Variants in GRIN2A observed in about 807,000 individuals in gnomAD.
The protein encoded by GRIN2A is glutamate ionotropic receptor NMDA type subunit 2A.
A neutral mutation model predicts 113.4 loss-of-function variants in GRIN2A; 22 were observed. That is an observed-to-expected ratio of 0.19 (90% CI 0.14 to 0.28). The LOEUF (loss-of-function observed/expected upper bound fraction) is 0.28. GRIN2A is among the 10% of genes least tolerant of loss of function. GRIN2A has a pLI of 1.00. For synonymous variants in GRIN2A, 827 were observed against 738.4 expected, an observed-to-expected ratio of 1.12 and a Z score of -1.94; for missense variants, 1,502 against 1,887.0, an observed-to-expected ratio of 0.80 and a Z score of 3.78.
rs200124835 is a variant in GRIN2A at position 10,015,252 on chromosome 16, C to CAAAAAAAAA, written c.415-76710_415-76702dup. ...TGGGCAACAGAGCAAGACTTCATCT[C>CAAAAAAAAA]AAAAAAAAAAAAAAAAAAAGAAAAA... is the stretch of plus-strand genomic sequence containing the variant. On this transcript the variant is annotated intron_variant, in intron 2 of 12. Transcript: ENST00000330684. 2.2e-3 allele frequency among the ~76,000 whole-genome samples: 42 copies of CAAAAAAAAA among 19,298 alleles called. 1 individual carries two copies. Among genetic ancestry groups the CAAAAAAAAA allele is most frequent in the African/African-American group, 2.9e-3 (19 of 6,500 alleles). The allele number at this position is 19,298 out of a possible 152,430, so 12.7% of individuals were successfully genotyped here. A position where few individuals can be genotyped will look rare whatever the true frequency, so the allele number is the denominator to read the frequency against.
chr16:9,843,360 T>A (rs1015577082), intron 5 of GRIN2A, among the ~76,000 whole-genome samples: 5 of 152,124 alleles, frequency 3.3e-5, no homozygotes, highest in Non-Finnish European at 5.9e-5. Flanking sequence ...GACACGCTCT[T>A]GCTCTGTTGC....
At chr16:9,892,022 A>G (rs1311129182) in intron 3 of GRIN2A, among the ~76,000 whole-genome samples, 1 of 152,182 alleles carries the variant, frequency 6.6e-6, no homozygotes, top group African/African-American at 2.4e-5. Flanking sequence ...TGAAGTCAGG[A>G]GTTCGAGACC....
chr16:10,111,763 G>A (rs1381754945), intron 2 of GRIN2A: 12 of 1,503,014 alleles, frequency 8.0e-6, no homozygotes, highest in Non-Finnish European at 1.1e-5. Flanking sequence ...ACACACTGTG[G>A]GTGATGTGCT....
At chr16:10,136,243 T>G (rs117163573) in intron 2 of GRIN2A, among the ~76,000 whole-genome samples, 100 of 152,076 alleles carry the variant, frequency 6.6e-4, no homozygotes, top group Admixed American at 1.5e-3. Flanking sequence ...AAGCATAACT[T>G]CCAGCACACA....
In GRIN2A at chr16:9,891,095, A is replaced by G; in HGVS notation, c.1013T>C (p.Met338Thr). The change falls in exon 4 of 13, where the codon ATG becomes ACG. Residue 338 changes from methionine (M) to threonine (T), a missense_variant. By Grantham distance (81) the Met-to-Thr change is moderately conservative. Around this residue, in one of 7 missense-constraint regions of GRIN2A, gnomAD observed 334 missense variants for 403.0 expected, o/e 0.83. Transcript: ENST00000330684. ...EVPMHTLHPF[M>T]VNVTWDGKDL... ...TTTGCCATCCCATGTAACATTGACC[A>G]TAAATCTAGAAAGGGGAAGAGAGAA... 6.3e-7 allele frequency: 1 copy of G among 1,599,380 alleles called. No individual in the cohort carries two copies. Among genetic ancestry groups the G allele is most frequent in the Non-Finnish European group, 8.6e-7 (1 of 1,166,466 alleles).
intron 4 of GRIN2A, among the ~76,000 whole-genome samples, chr16:9,852,096 T>A (rs1596497773): frequency 6.6e-6 from 1 of 152,212 alleles, no homozygotes; most frequent in East Asian, 1.9e-4. Flanking sequence ...TATCACCACT[T>A]AGTTTAATTC....
intron 2 of GRIN2A, among the ~76,000 whole-genome samples, chr16:10,103,492 C>G (rs8063758): frequency 1.3e-5 from 2 of 151,932 alleles, no homozygotes; most frequent in African/African-American, 2.4e-5. Flanking sequence ...TATTACTAAC[C>G]CCCAAAATAT....
intron 3 of GRIN2A, among the ~76,000 whole-genome samples, chr16:9,905,745 T>G (rs1394262333): frequency 6.6e-6 from 1 of 152,064 alleles, no homozygotes; most frequent in Admixed American, 6.5e-5. Context: ...GCCATAAAAA[T>G]ATATACAAGG....
chr16:10,132,972 A>T (rs1190572908), intron 2 of GRIN2A, among the ~76,000 whole-genome samples: 1 of 152,130 alleles, frequency 6.6e-6, no homozygotes, highest in East Asian at 1.9e-4. Context: ...GTCTGCCCAC[A>T]TTCCTTAGCT....
At chr16:9,906,503 G>A (rs2044030928) in intron 3 of GRIN2A, among the ~76,000 whole-genome samples, 1 of 152,144 alleles carries the variant, frequency 6.6e-6, no homozygotes, top group African/African-American at 2.4e-5. Flanking sequence ...TTCAGGGATC[G>A]GTACGTGACT....
rs1186022385 is a variant in GRIN2A, at chr16:9,849,737, C to T, written c.1328+19G>A. Reference sequence around the variant, plus strand: ...CAAAGGGTTGGGCACGTTCAGGTGACAGCATTCCTGCCACTCACTTGATTT... The same window carrying T: ...CAAAGGGTTGGGCACGTTCAGGTGATAGCATTCCTGCCACTCACTTGATTT... On this transcript the variant is annotated intron_variant, in intron 5 of 12. Transcript: ENST00000330684. The T allele has an allele frequency of 6.3e-7, 1 of 1,597,156 alleles. No homozygotes were observed. Among genetic ancestry groups the T allele is most frequent in the Non-Finnish European group, 8.6e-7 (1 of 1,164,552 alleles).
chr16:9,960,548 A>T (rs1321264185), intron 2 of GRIN2A, among the ~76,000 whole-genome samples: 4 of 152,214 alleles, frequency 2.6e-5, no homozygotes. Context: ...ATATGCTGTG[A>T]AGTCAACCAG....
chr16:10,117,780 G>C (rs950028914), intron 2 of GRIN2A, among the ~76,000 whole-genome samples: 1 of 152,230 alleles, frequency 6.6e-6, no homozygotes, highest in Non-Finnish European at 1.5e-5. Flanking sequence ...ATGGAAATGA[G>C]TGTTAAGATA....
At chr16:10,069,995 AC>A (rs1423730295) in intron 2 of GRIN2A, among the ~76,000 whole-genome samples, 2 of 151,616 alleles carry the variant, frequency 1.3e-5, no homozygotes, top group African/African-American at 4.9e-5. Flanking sequence ...TTGCCTATCC[AC>A]CCCTCCCTCC....
At chr16:10,149,331 T>C (rs1041109567) in intron 2 of GRIN2A, among the ~76,000 whole-genome samples, 1 of 152,220 alleles carries the variant, frequency 6.6e-6, no homozygotes, top group Non-Finnish European at 1.5e-5. Context: ...ATATCCCATA[T>C]ACCTAACAAA....
At chr16:10,147,092 T>A (rs1070476) in intron 2 of GRIN2A, among the ~76,000 whole-genome samples, 92,517 of 151,820 alleles carry the variant, frequency 0.61, 28,617 homozygotes, top group East Asian at 0.92. Flanking sequence ...AAAGGAACAC[T>A]TCTATTCACC....
rs75685885 is a variant in GRIN2A at position 10,042,709 on chromosome 16, G to T, written c.415-104158C>A. Among the ~76,000 whole-genome samples the T allele has an allele frequency of 9.8e-3, 1,488 of 152,292 alleles. 20 individuals are homozygous for T. The highest frequency in any genetic ancestry group is 0.034 in the African/African-American group (1,410 of 41,558). ...TAGTTCTGATGCTGACCCAATCCCG[G>T]ACAATGATATATTAAGAGGAATCTG... On this transcript the variant is annotated intron_variant, in intron 2 of 12. Coordinates refer to ENST00000330684, the MANE Select transcript of GRIN2A (RefSeq NM_001134407.3).
intron 3 of GRIN2A, among the ~76,000 whole-genome samples, chr16:9,930,768 A>C (rs957985292): frequency 1.3e-5 from 2 of 152,208 alleles, no homozygotes; most frequent in African/African-American, 4.8e-5. Flanking sequence ...ACTAAATAAA[A>C]ATATGTCAAC....
intron 2 of GRIN2A, among the ~76,000 whole-genome samples, chr16:9,970,472 C>T (rs978584395): frequency 2.0e-5 from 3 of 152,008 alleles, no homozygotes; most frequent in Admixed American, 6.5e-5. Context: ...AAAGAAAGTG[C>T]TTTTGAGATA....
Sources: allele counts gnomAD v4.1 joint callset (sites outside exome capture counted in the v4.1 genomes callset), GRCh38; gene constraint gnomAD v4.1.1; regional missense constraint gnomAD v4.1.1; transcripts MANE v1.5; gene names NCBI Gene and HGNC (gene_info 2026-07-23, HGNC 2026-07-21).